EPG5: variants seen among roughly 807,000 people sequenced by gnomAD.
EPG5 encodes ectopic P granules protein 5 homolog.
A neutral mutation model predicts 302.7 loss-of-function variants in EPG5; 159 were observed. The observed-to-expected ratio is 0.53, with a 90% CI of 0.46 to 0.60. The LOEUF is 0.60. Among genes scored for constraint, EPG5 ranks in the 20% least tolerant of loss-of-function variants. The probability of loss-of-function intolerance (pLI) is 0.00; values close to 1 mark genes in which losing one functional copy is unlikely to be tolerated. For missense variants in EPG5, 2,896 were observed against 3,092.4 expected, an observed-to-expected ratio of 0.94 and a Z score of 1.51; for synonymous variants, 1,158 against 1,136.8, an observed-to-expected ratio of 1.02 and a Z score of -0.37.
At chr18:45,854,079 T>TG (rs1250754281) in intron 43 of EPG5, among the ~76,000 whole-genome samples, 2 of 152,312 alleles carry the variant, frequency 1.3e-5, no homozygotes, top group Non-Finnish European at 2.9e-5. Context: ...AAGAAACTGA[T>TG]GCTGCAGGTA....
At chr18:45,911,591 C>T (rs1015527267) in intron 22 of EPG5, among the ~76,000 whole-genome samples, 29 of 152,234 alleles carry the variant, frequency 1.9e-4, no homozygotes, top group Admixed American at 4.6e-4. Context: ...CGCGCCTGGC[C>T]GTGCTGGGCC....
At chr18:45,809,934 G>T in the EPG5 span, among the ~76,000 whole-genome samples, 7 of 152,126 alleles carry the variant, frequency 4.6e-5, no homozygotes, top group East Asian at 1.3e-3. Context: ...CAAAAGCCTG[G>T]TTCTTTAAAA....
intron 30 of EPG5, 132 bp from the exon 31 acceptor site, chr18:45,882,619 T>C (rs540862158): frequency 3.2e-6 from 2 of 620,602 alleles, no homozygotes; most frequent in African/African-American, 1.8e-5. Flanking sequence ...AATTAAAATG[T>C]ATAAACAAGT....
chr18:45,953,757 T>C, intron 2 of EPG5: 1 of 985,342 alleles, frequency 1.0e-6, no homozygotes, highest in Non-Finnish European at 1.2e-6. Context: ...TCTCATTTTG[T>C]CCACTGGCAT....
chr18:45,930,196 G>A (rs1248022604), intron 12 of EPG5, among the ~76,000 whole-genome samples: 1 of 152,174 alleles, frequency 6.6e-6, no homozygotes, highest in Non-Finnish European at 1.5e-5. Context: ...TATTATAGAT[G>A]AGGAAAATGA....
intron 1 of EPG5, among the ~76,000 whole-genome samples, chr18:45,966,924 A>T (rs766925070): frequency 9.2e-5 from 14 of 152,204 alleles, no homozygotes; most frequent in Non-Finnish European, 2.1e-4. Flanking sequence ...AGAGCAGAAA[A>T]GGAAGAGGCC....
chr18:45,878,370 G>C lies in EPG5; in HGVS notation c.5942+6C>G, dbSNP rs1271736497. On this transcript the variant is annotated splice_donor_region_variant and intron_variant, in intron 34 of 43. Coordinates refer to ENST00000282041, the MANE Select transcript of EPG5 (RefSeq NM_020964.3). ...AAGGAATTTGAATATCTAAAAAACT[G>C]TTTACCTTTCGTTGTCCTCTAAAAC... The C allele has an allele frequency of 3.2e-6, 5 of 1,587,154 alleles. No homozygotes were observed. Among genetic ancestry groups the C allele is most frequent in the Non-Finnish European group, 4.3e-6 (5 of 1,156,632 alleles).
intron 1 of EPG5, among the ~76,000 whole-genome samples, chr18:45,959,203 T>C (rs2051094375): frequency 1.3e-5 from 2 of 152,224 alleles, no homozygotes; most frequent in Non-Finnish European, 2.9e-5. Context: ...TAGCCAGGCA[T>C]GGTGGCTGGC....
At chr18:45,961,455 G>A (rs756655750) in intron 1 of EPG5, among the ~76,000 whole-genome samples, 7 of 152,214 alleles carry the variant, frequency 4.6e-5, no homozygotes, top group East Asian at 1.9e-4. Context: ...GCATGCCACC[G>A]CCAGACAGCC....
chr18:45,880,267 A>C, intron 31 of EPG5, 44 bp from the exon 32 acceptor site: 1 of 1,507,216 alleles, frequency 6.6e-7, no homozygotes, highest in South Asian at 1.3e-5. Flanking sequence ...CTTTCCCGAA[A>C]GGAATATTTT....
Position 45,903,968 on chromosome 18 carries a change from C to A in EPG5, c.4474+5G>T. 2 of 1,604,524 alleles carry A rather than the reference C, an allele frequency of 1.2e-6. No homozygotes were observed. The highest frequency in any genetic ancestry group is 8.5e-7 in the Non-Finnish European group (1 of 1,177,936). On this transcript the variant is annotated splice_donor_5th_base_variant and intron_variant, in intron 25 of 43. Coordinates refer to ENST00000282041, the MANE Select transcript of EPG5 (RefSeq NM_020964.3). ...TTCGAAGGGGCAGGTGCTCCCAGGA[C>A]CCACCCAGCAAAGGATCAGTGAAGT...
At chr18:45,927,593 TACACACACACACACACAC>T (rs67488772) in intron 13 of EPG5, among the ~76,000 whole-genome samples, 2 of 133,424 alleles carry the variant, frequency 1.5e-5, no homozygotes, top group African/African-American at 5.9e-5. Context: ...CAAAAAGTTA[TACACACACACACACACAC>T]ACACACACAC....
In EPG5 at chr18:45,966,189, G is replaced by A. The variant is rs1213365540; in HGVS notation, c.63+988C>T. Reference sequence around the variant, plus strand: ...AGATCGAGACCATCCTGGCTAACACGGTGAAACCCCGTCTCTACTAAAAAT... The same window carrying A: ...AGATCGAGACCATCCTGGCTAACACAGTGAAACCCCGTCTCTACTAAAAAT... On this transcript the variant is annotated intron_variant, in intron 1 of 43. Transcript: ENST00000282041. 4.0e-5 allele frequency among the ~76,000 whole-genome samples: 6 copies of A among 151,792 alleles called. No individual in the cohort carries two copies. In the South Asian group the frequency reaches 1.0e-3, roughly 26 times the overall value.
intron 26 of EPG5, 35 bp from the exon 27 acceptor site, chr18:45,899,601 T>C (rs1409461694): frequency 6.2e-7 from 1 of 1,612,092 alleles, no homozygotes. Flanking sequence ...AAGAAAGTCT[T>C]AGGAAAGGTT....
chr18:45,913,972 A>C (rs1195796605), intron 20 of EPG5, 144 bp from the exon 21 acceptor site: 12 of 867,688 alleles, frequency 1.4e-5, no homozygotes, highest in Non-Finnish European at 2.1e-5. Flanking sequence ...ACACCTTTTT[A>C]TACCTACCTA....
At chr18:45,870,459 T>C (rs1384598537) in intron 36 of EPG5, 108 bp downstream of exon 36, 13 of 861,632 alleles carry the variant, frequency 1.5e-5, no homozygotes, top group East Asian at 2.7e-5. Flanking sequence ...AATGTATTCA[T>C]GGTCCACGCT....
intron 32 of EPG5, 113 bp downstream of exon 32, chr18:45,879,962 A>G (rs1395146495): frequency 2.4e-6 from 3 of 1,252,844 alleles, no homozygotes; most frequent in Admixed American, 2.4e-5. Flanking sequence ...TAACACAAAG[A>G]AAAACACATG....
At chr18:45,913,007 G>C (rs961195719) in intron 21 of EPG5, among the ~76,000 whole-genome samples, 1 of 151,412 alleles carries the variant, frequency 6.6e-6, no homozygotes, top group Non-Finnish European at 1.5e-5. Flanking sequence ...AGAATTGCTT[G>C]AACCCGGAAG....
chr18:45,923,701 C>T (rs1204497197), intron 14 of EPG5, among the ~76,000 whole-genome samples: 3 of 152,208 alleles, frequency 2.0e-5, no homozygotes, highest in Non-Finnish European at 4.4e-5. Context: ...GGCAACGCCA[C>T]AAACCAGGAA....
Sources: allele counts gnomAD v4.1 joint callset (sites outside exome capture counted in the v4.1 genomes callset), GRCh38; gene constraint gnomAD v4.1.1; transcripts MANE v1.5; gene names NCBI Gene and HGNC (gene_info 2026-07-23, HGNC 2026-07-21).